FBXW8: variants seen among roughly 807,000 people sequenced by gnomAD.
FBXW8 encodes F-box/WD repeat-containing protein 8.
Under a neutral mutation model 65.3 loss-of-function variants are expected in FBXW8, and 57 were observed. The ratio of observed to expected loss-of-function variants is 0.87; its 90% CI spans 0.71 to 1.09. FBXW8 has a LOEUF of 1.09. Ranked by LOEUF, FBXW8 falls within the 50% of genes least tolerant of loss-of-function variation. The pLI is 0.00. For missense variants in FBXW8, 777 were observed against 814.8 expected (o/e 0.95, Z 0.57); for synonymous variants, 308 against 330.2 (o/e 0.93, Z 0.73).
chr12:117,026,372 TC>T, intron 9 of FBXW8, among the ~76,000 whole-genome samples: 1 of 130,364 alleles, frequency 7.7e-6, no homozygotes, highest in Admixed American at 7.4e-5. Flanking sequence ...ACCAACACTT[TC>T]CTTCAGTCCT....
chr12:116,993,556 A>C (rs539693255), intron 7 of FBXW8, among the ~76,000 whole-genome samples: 194 of 152,052 alleles, frequency 1.3e-3, no homozygotes, highest in Middle Eastern at 6.8e-3. Flanking sequence ...ATATCTGTTC[A>C]TGTCATTTGC....
chr12:116,986,184 C>T (rs2043589930), intron 6 of FBXW8: 1 of 152,212 alleles, frequency 6.6e-6, no homozygotes, highest in Admixed American at 6.5e-5. Flanking sequence ...CTGTTCCTCC[C>T]TCTTTCTGTC....
chr12:117,025,985 C>T (rs964479892), intron 9 of FBXW8, among the ~76,000 whole-genome samples: 2 of 152,252 alleles, frequency 1.3e-5, no homozygotes, highest in African/African-American at 2.4e-5. Context: ...TTGTCCCCCA[C>T]GTGGTCACTG....
intron 1 of FBXW8, among the ~76,000 whole-genome samples, chr12:116,926,580 A>G (rs1367491654): frequency 2.6e-5 from 4 of 152,088 alleles, no homozygotes; most frequent in South Asian, 2.1e-4. Context: ...ACATTAAACC[A>G]ATGACTTTCC....
intron 3 of FBXW8, among the ~76,000 whole-genome samples, chr12:116,947,605 T>C (rs1883013209): frequency 6.6e-6 from 1 of 151,580 alleles, no homozygotes; most frequent in Non-Finnish European, 1.5e-5. Flanking sequence ...CCGGGCGTGG[T>C]GGCACACACC....
At chr12:116,972,736 G>A (rs1884709836) in intron 5 of FBXW8, among the ~76,000 whole-genome samples, 1 of 152,198 alleles carries the variant, frequency 6.6e-6, no homozygotes. Flanking sequence ...GGGCTGGATT[G>A]GAATAGGAGG....
At chr12:117,004,161 C>G (rs950531657) in intron 7 of FBXW8, among the ~76,000 whole-genome samples, 1 of 152,172 alleles carries the variant, frequency 6.6e-6, no homozygotes, top group Non-Finnish European at 1.5e-5. Flanking sequence ...GTTTCTCTCT[C>G]GGACTTATTT....
chr12:117,007,968 G>A (rs905534427), intron 7 of FBXW8, among the ~76,000 whole-genome samples: 1 of 152,112 alleles, frequency 6.6e-6, no homozygotes, highest in Non-Finnish European at 1.5e-5. Flanking sequence ...CAGATAGTTC[G>A]GATTCGTTTG....
intron 8 of FBXW8, among the ~76,000 whole-genome samples, chr12:117,016,499 T>A (rs1201303010): frequency 6.6e-6 from 1 of 152,190 alleles, no homozygotes; most frequent in Non-Finnish European, 1.5e-5. Flanking sequence ...AGTATTTTTT[T>A]AATATAGCCC....
At chr12:116,931,932 AG>A (rs908004581) in intron 2 of FBXW8, among the ~76,000 whole-genome samples, 30 of 152,094 alleles carry the variant, frequency 2.0e-4, no homozygotes, top group African/African-American at 7.0e-4. Context: ...TTATTCCTGA[AG>A]AAAAGCTTTC....
rs751633706 is a variant in FBXW8, at chr12:117,024,150, G to A, written c.1371G>A (p.Val457=). 13 of 1,613,452 alleles carry A rather than the reference G, an allele frequency of 8.1e-6. No individual in the cohort carries two copies. In the South Asian group the frequency reaches 1.4e-4, roughly 18 times the overall value. Residue 457 remains valine, a synonymous_variant, in exon 9 of 11, where the codon GTG becomes GTA. Coordinates refer to ENST00000652555, the MANE Select transcript of FBXW8 (RefSeq NM_153348.3). ...LMVSGNMDGR[V]RIHDLRSGNI... ...TGCTCTTCCTGGGCCTGTCCAGGGT[G>A]AGGATCCACGACCTCCGCAGTGGTA...
chr12:117,005,834 A>G (rs1953660874), intron 7 of FBXW8, among the ~76,000 whole-genome samples: 1 of 152,212 alleles, frequency 6.6e-6, no homozygotes, highest in Non-Finnish European at 1.5e-5. Context: ...CACATATGTG[A>G]GGCAGGTTAC....
chr12:116,945,626 G>A (rs1882882394), intron 3 of FBXW8, 98 bp downstream of exon 3: 9 of 1,223,520 alleles, frequency 7.4e-6, no homozygotes, highest in Admixed American at 2.0e-5. Context: ...TGCCAACAGC[G>A]AAGGGAGAGG....
chr12:116,997,538 T>C (rs1953404696), intron 7 of FBXW8, among the ~76,000 whole-genome samples: 1 of 152,166 alleles, frequency 6.6e-6, no homozygotes, highest in South Asian at 2.1e-4. Flanking sequence ...TGGCTGGTGC[T>C]CAGCACTTGT....
At chr12:116,947,807 G>A (rs114311252) in intron 3 of FBXW8, among the ~76,000 whole-genome samples, 115 of 151,380 alleles carry the variant, frequency 7.6e-4, no homozygotes, top group African/African-American at 2.7e-3. Flanking sequence ...CTTTACTTTT[G>A]TCTGCCTCCA....
At chr12:116,937,462 G>A (rs774828714) in intron 2 of FBXW8, among the ~76,000 whole-genome samples, 4 of 152,346 alleles carry the variant, frequency 2.6e-5, no homozygotes, top group Non-Finnish European at 5.9e-5. Context: ...TTCCCTGCCA[G>A]GCAGGAAGAA....
intron 2 of FBXW8, among the ~76,000 whole-genome samples, chr12:116,935,308 T>G (rs1882077108): frequency 6.6e-6 from 1 of 152,218 alleles, no homozygotes; most frequent in South Asian, 2.1e-4. Flanking sequence ...AAATGTGATT[T>G]TATGTCCATG....
chr12:116,964,704 T>G lies in FBXW8; in HGVS notation c.685T>G (p.Ser229Ala). The change falls in exon 5 of 11, where the codon TCA becomes GCA. Residue 229 changes from serine to alanine, a missense_variant. Coordinates refer to ENST00000652555, the MANE Select transcript of FBXW8 (RefSeq NM_153348.3). ...TGTGTCGTTCTCTTCCAGATATACATCAGGGGATGTGAGAGTGTGGGACAC... is the reference window on the plus strand; with the variant it reads ...TGTGTCGTTCTCTTCCAGATATACAGCAGGGGATGTGAGAGTGTGGGACAC... ...HDGVVIAGYT[S>A]GDVRVWDTRT... 1 of 1,613,674 alleles carries G rather than the reference T, an allele frequency of 6.2e-7. No homozygotes were observed. The highest frequency in any genetic ancestry group is 2.2e-5 in the East Asian group (1 of 44,880).
intron 5 of FBXW8, among the ~76,000 whole-genome samples, chr12:116,973,275 C>T (rs7486428): frequency 0.55 from 82,970 of 151,978 alleles, 26,641 homozygotes; most frequent in Admixed American, 0.7. Context: ...TACACATTGG[C>T]AACCATCACA....
Sources: allele counts gnomAD v4.1 joint callset (sites outside exome capture counted in the v4.1 genomes callset), GRCh38; gene constraint gnomAD v4.1.1; transcripts MANE v1.5; gene names NCBI Gene and HGNC (gene_info 2026-07-23, HGNC 2026-07-21).